Variants in CTNNA3 observed in about 807,000 individuals in gnomAD.
CTNNA3 encodes the protein catenin alpha-3.
CTNNA3 carries 76 observed loss-of-function variants against 95.7 expected under a neutral mutation model. That is an observed-to-expected ratio of 0.79 (90% CI 0.66 to 0.96). The LOEUF (loss-of-function observed/expected upper bound fraction) is 0.96. Ranked by LOEUF, CTNNA3 falls within the 40% of genes least tolerant of loss-of-function variation. The probability of loss-of-function intolerance (pLI) is 0.00; values close to 1 mark genes in which losing one functional copy is unlikely to be tolerated. For missense variants in CTNNA3, 1,191 were observed against 1,089.8 expected (o/e 1.09, Z -1.31); for synonymous variants, 431 against 374.4 (o/e 1.15, Z -1.74).
At chr10:66,952,144 G>A (rs11812594) in intron 7 of CTNNA3, among the ~76,000 whole-genome samples, 3,585 of 152,232 alleles carry the variant, frequency 0.024, 135 homozygotes, top group African/African-American at 0.081. Flanking sequence ...CAGAAATCAC[G>A]TCAACCACCA....
At chr10:66,024,148 G>A (rs1431040784) in intron 15 of CTNNA3, among the ~76,000 whole-genome samples, 1 of 137,936 alleles carries the variant, frequency 7.2e-6, no homozygotes, top group Non-Finnish European at 1.5e-5. Context: ...GGAGTGCAGC[G>A]GCACAATCTG....
In CTNNA3 at chr10:66,649,080, GGA is replaced by G. The variant is rs529966538; in HGVS notation, c.1282-27298_1282-27297del. 1.8e-3 allele frequency among the ~76,000 whole-genome samples: 267 copies of G among 152,224 alleles called. 2 individuals carry two copies. The highest frequency in any genetic ancestry group is 6.0e-3 in the African/African-American group (250 of 41,546). On this transcript the variant is annotated intron_variant, in intron 9 of 17. Transcript: ENST00000433211. ...GGCCAGAGAGGTAGAAGGAAAATCA[GGA>G]GAGTGTGGCATAATAGGTGCCAGAA...
intron 5 of CTNNA3, among the ~76,000 whole-genome samples, chr10:67,367,545 A>C (rs1218372734): frequency 2.0e-5 from 3 of 152,202 alleles, no homozygotes; most frequent in Admixed American, 6.5e-5. Flanking sequence ...TTACCATGCG[A>C]ACAGCAATCC....
At chr10:66,587,002 A>G (rs1843381604) in intron 10 of CTNNA3, among the ~76,000 whole-genome samples, 1 of 152,174 alleles carries the variant, frequency 6.6e-6, no homozygotes, top group Non-Finnish European at 1.5e-5. Context: ...GTACTGGAGA[A>G]TATCTGCAAG....
chr10:65,921,818 T>C (rs577818802), intron 17 of CTNNA3, among the ~76,000 whole-genome samples: 1 of 152,354 alleles, frequency 6.6e-6, no homozygotes, highest in African/African-American at 2.4e-5. Context: ...TCTCAAGGTG[T>C]ACCTGAATTC....
At chr10:67,701,901 C>T (rs1841043193) in intron 1 of CTNNA3, among the ~76,000 whole-genome samples, 1 of 152,046 alleles carries the variant, frequency 6.6e-6, no homozygotes, top group South Asian at 2.1e-4. Context: ...CAGAGACACA[C>T]ATAGGCTCAA....
chr10:66,747,687 G>A (rs747797565), intron 9 of CTNNA3, among the ~76,000 whole-genome samples: 4 of 152,064 alleles, frequency 2.6e-5, no homozygotes, highest in Admixed American at 6.6e-5. Flanking sequence ...TATACTGGGG[G>A]ATTTAGAAAA....
chr10:65,978,604 C>A (rs2078255704), intron 16 of CTNNA3, among the ~76,000 whole-genome samples: 1 of 152,096 alleles, frequency 6.6e-6, no homozygotes, highest in Non-Finnish European at 1.5e-5. Flanking sequence ...TCAGGCGATC[C>A]ATGTAACTAC....
chr10:67,668,616 T>TA (rs1840372453), intron 1 of CTNNA3, among the ~76,000 whole-genome samples: 1 of 152,156 alleles, frequency 6.6e-6, no homozygotes, highest in African/African-American at 2.4e-5. Context: ...AGGCAGCATA[T>TA]ACAGCAGGAC....
chr10:67,507,238 A>G (rs1426155944), intron 5 of CTNNA3, among the ~76,000 whole-genome samples: 7 of 152,214 alleles, frequency 4.6e-5, no homozygotes, highest in Non-Finnish European at 8.8e-5. Context: ...GAGTAAGAAA[A>G]TTAAATCAAG....
chr10:66,804,040 A>G (rs1206437941), intron 7 of CTNNA3, among the ~76,000 whole-genome samples: 1 of 151,492 alleles, frequency 6.6e-6, no homozygotes, highest in Non-Finnish European at 1.5e-5. Flanking sequence ...ATTTGTGAAT[A>G]TGATCAGACA....
chr10:67,720,651 A>G (rs1006451829), intron 1 of CTNNA3, among the ~76,000 whole-genome samples: 1 of 152,074 alleles, frequency 6.6e-6, no homozygotes, highest in Non-Finnish European at 1.5e-5. Context: ...TGAGTTGAAA[A>G]TTCTTTTCTT....
rs867658205 is a variant in CTNNA3, at chr10:66,570,822, A to G, written c.1375-50049T>C. On this transcript the variant is annotated intron_variant, in intron 10 of 17. Transcript: ENST00000433211. ...CCTTTATCCTCTGAAAGAAAGAAGA[A>G]AAAAACAATATTTACTAGCTGAACA... 3.9e-5 allele frequency among the ~76,000 whole-genome samples: 6 copies of G among 152,250 alleles called. 1 individual carries two copies. The Middle Eastern group carries it at 0.02, about 518-fold the overall frequency.
chr10:66,011,202 T>C (rs2078999474), intron 15 of CTNNA3, among the ~76,000 whole-genome samples: 1 of 152,190 alleles, frequency 6.6e-6, no homozygotes. Flanking sequence ...AATGCAATTA[T>C]TTCTCTTTTG....
At chr10:66,800,077 AG>A (rs1175003125) in intron 7 of CTNNA3, among the ~76,000 whole-genome samples, 6 of 151,424 alleles carry the variant, frequency 4.0e-5, no homozygotes, top group Non-Finnish European at 7.4e-5. Context: ...AAGGTCTTTA[AG>A]TAAGGTTGAA....
At chr10:66,535,545 G>C (rs1162587825) in intron 10 of CTNNA3, among the ~76,000 whole-genome samples, 1 of 152,164 alleles carries the variant, frequency 6.6e-6, no homozygotes, top group Non-Finnish European at 1.5e-5. Context: ...TTTAGCATCT[G>C]GCAGGTTCTA....
chr10:67,324,018 T>C (rs529756561), intron 5 of CTNNA3, among the ~76,000 whole-genome samples: 1 of 152,248 alleles, frequency 6.6e-6, no homozygotes, highest in African/African-American at 2.4e-5. Context: ...CTCAGCTTGA[T>C]TGTTGTTGGT....
intron 12 of CTNNA3, among the ~76,000 whole-genome samples, chr10:66,316,665 G>T (rs1269893863): frequency 6.6e-6 from 1 of 152,024 alleles, no homozygotes; most frequent in Non-Finnish European, 1.5e-5. Context: ...AGACACCAGA[G>T]AATGTGCGAA....
chr10:66,366,124 T>C (rs1416254735), intron 12 of CTNNA3, among the ~76,000 whole-genome samples: 1 of 152,166 alleles, frequency 6.6e-6, no homozygotes, highest in Non-Finnish European at 1.5e-5. Context: ...GGATAATGTC[T>C]GTTGCAGTTC....
Sources: allele counts gnomAD v4.1 joint callset (sites outside exome capture counted in the v4.1 genomes callset), GRCh38; gene constraint gnomAD v4.1.1; transcripts MANE v1.5; gene names NCBI Gene and HGNC (gene_info 2026-07-23, HGNC 2026-07-21).